The following EEPD1 variants were observed in gnomAD, a reference collection of about 807,000 sequenced individuals.
EEPD1 encodes the protein endonuclease/exonuclease/phosphatase family domain containing 1.
EEPD1 carries 17 observed loss-of-function variants against 46.3 expected under a neutral mutation model. The ratio of observed to expected loss-of-function variants is 0.37; its 90% confidence interval spans 0.25 to 0.55. The LOEUF (loss-of-function observed/expected upper bound fraction) is 0.55. Among genes scored for constraint, EEPD1 ranks in the 20% least tolerant of loss-of-function variants. EEPD1 has a pLI of 0.83. For synonymous variants in EEPD1, 313 were observed against 315.6 expected (o/e 0.99, Z 0.09); for missense variants, 673 against 745.6 (o/e 0.90, Z 1.13).
chr7:36,214,601 C>G (rs767929013), intron 2 of EEPD1, among the ~76,000 whole-genome samples: 1 of 152,190 alleles, frequency 6.6e-6, no homozygotes, highest in Non-Finnish European at 1.5e-5. Context: ...AATTCTCAGG[C>G]CCTACCTCAG....
chr7:36,176,231 G>A (rs1231373926), intron 2 of EEPD1, among the ~76,000 whole-genome samples: 1 of 152,218 alleles, frequency 6.6e-6, no homozygotes, highest in Non-Finnish European at 1.5e-5. Flanking sequence ...TCCTGAAGAG[G>A]ATAAAGCCAG....
chr7:36,212,546 G>A (rs1785952588), intron 2 of EEPD1, among the ~76,000 whole-genome samples: 1 of 147,692 alleles, frequency 6.8e-6, no homozygotes, highest in African/African-American at 2.5e-5. Flanking sequence ...GTTATTTAAT[G>A]TAGTGGTTCT....
chr7:36,226,033 T>A lies in EEPD1; in HGVS notation c.879-12952T>A, dbSNP rs149684644. 5.5e-3 allele frequency among the ~76,000 whole-genome samples: 844 copies of A among 152,292 alleles called. 5 individuals carry two copies. The highest frequency in any genetic ancestry group is 6.4e-3 in the Non-Finnish European group (434 of 68,026). On this transcript the variant is annotated intron_variant, in intron 2 of 7. Transcript: ENST00000242108. ...AAAACTAGAGAGCAGTTTAAATTATTGTTATAAGTCTGATTAGCAAACAAA... is the reference window on the plus strand; with the variant it reads ...AAAACTAGAGAGCAGTTTAAATTATAGTTATAAGTCTGATTAGCAAACAAA...
At chr7:36,296,748 CA>C (rs1415383443) in intron 6 of EEPD1, among the ~76,000 whole-genome samples, 1 of 115,908 alleles carries the variant, frequency 8.6e-6, no homozygotes, top group East Asian at 3.0e-4. Flanking sequence ...TAGGCTTCAA[CA>C]AGGGTGATTT....
chr7:36,205,340 TC>T (rs1409316963), intron 2 of EEPD1, among the ~76,000 whole-genome samples: 1 of 152,234 alleles, frequency 6.6e-6, no homozygotes, highest in Non-Finnish European at 1.5e-5. Flanking sequence ...ATAAATAGAA[TC>T]ATTTAATAGA....
At chr7:36,292,686 T>G (rs1787467487) in intron 6 of EEPD1, among the ~76,000 whole-genome samples, 1 of 152,074 alleles carries the variant, frequency 6.6e-6, no homozygotes, top group South Asian at 2.1e-4. Context: ...TTTTGCATCT[T>G]TAGTAGAGAT....
At chr7:36,195,333 C>A (rs895788102) in intron 2 of EEPD1, among the ~76,000 whole-genome samples, 7 of 152,220 alleles carry the variant, frequency 4.6e-5, no homozygotes, top group African/African-American at 1.7e-4. Context: ...GGATGGATGG[C>A]TGGCTCCCTG....
chr7:36,283,859 C>T (rs997767518), intron 4 of EEPD1, among the ~76,000 whole-genome samples: 5 of 152,186 alleles, frequency 3.3e-5, no homozygotes, highest in East Asian at 1.9e-4. Context: ...TGGTGATGAG[C>T]ACTGCTGGCC....
chr7:36,243,321 T>G (rs1481477305), intron 3 of EEPD1, among the ~76,000 whole-genome samples: 1 of 145,626 alleles, frequency 6.9e-6, no homozygotes, highest in African/African-American at 2.5e-5. Flanking sequence ...TTTTTTTTTT[T>G]GGCACCAAAA....
chr7:36,188,048 G>A (rs943970549), intron 2 of EEPD1, among the ~76,000 whole-genome samples: 2 of 152,048 alleles, frequency 1.3e-5, no homozygotes, highest in Non-Finnish European at 2.9e-5. Flanking sequence ...CGCCTGCCTC[G>A]GCCTCCCAAA....
chr7:36,237,210 C>A (rs1340017315), intron 2 of EEPD1, among the ~76,000 whole-genome samples: 1 of 152,232 alleles, frequency 6.6e-6, no homozygotes, highest in Non-Finnish European at 1.5e-5. Context: ...CCGAACACGT[C>A]CAAACATCCG....
Position 36,277,985 on chromosome 7 carries a change from A to G in EEPD1, c.931-3130A>G, listed in dbSNP as rs563074023. ...TTTAAATATTAATAGAAAGCAAAGAAAAATGAGAATGTCTTTTCTTCATCC... is the reference window on the plus strand; with the variant it reads ...TTTAAATATTAATAGAAAGCAAAGAGAAATGAGAATGTCTTTTCTTCATCC... On this transcript the variant is annotated intron_variant, in intron 3 of 7. Transcript: ENST00000242108. Among the ~76,000 whole-genome samples, 4 of 152,344 alleles carry G rather than the reference A, an allele frequency of 2.6e-5. No individual in the cohort carries two copies. In the South Asian group the frequency reaches 6.2e-4, roughly 24 times the overall value.
At chr7:36,231,812 C>T (rs1274296753) in intron 2 of EEPD1, among the ~76,000 whole-genome samples, 1 of 152,158 alleles carries the variant, frequency 6.6e-6, no homozygotes, top group Non-Finnish European at 1.5e-5. Flanking sequence ...GGATTTAGTA[C>T]GTGGGCTTAT....
chr7:36,242,768 C>CAAAAAAA (rs34909516), intron 3 of EEPD1, among the ~76,000 whole-genome samples: 3 of 85,402 alleles, frequency 3.5e-5, no homozygotes, highest in South Asian at 4.0e-4. Flanking sequence ...AATAAAAATA[C>CAAAAAAA]AAAAAAAAAA....
At chr7:36,240,546 C>T (rs142301982) in intron 3 of EEPD1, among the ~76,000 whole-genome samples, 90 of 152,314 alleles carry the variant, frequency 5.9e-4, no homozygotes, top group Admixed American at 1.6e-3. Context: ...TTCTTAATTA[C>T]TTATATTAAT....
intron 2 of EEPD1, among the ~76,000 whole-genome samples, chr7:36,170,464 A>G (rs911195983): frequency 1.3e-5 from 2 of 148,328 alleles, no homozygotes; most frequent in Non-Finnish European, 3.0e-5. Context: ...TGTTCTTTTA[A>G]CTCCTGCTGT....
intron 2 of EEPD1, among the ~76,000 whole-genome samples, chr7:36,173,454 G>A (rs1785125657): frequency 6.6e-6 from 1 of 150,554 alleles, no homozygotes; most frequent in Admixed American, 6.6e-5. Flanking sequence ...AGCTGAGATT[G>A]CACCACTGTA....
At chr7:36,194,713 C>T (rs1286427820) in intron 2 of EEPD1, among the ~76,000 whole-genome samples, 2 of 152,282 alleles carry the variant, frequency 1.3e-5, no homozygotes, top group Admixed American at 1.3e-4. Context: ...AGGAATTGAT[C>T]ATGGAGCTCT....
intron 3 of EEPD1, 33 bp from the exon 4 acceptor site, chr7:36,281,082 C>T: frequency 1.9e-6 from 3 of 1,602,578 alleles, no homozygotes; most frequent in Non-Finnish European, 1.7e-6. Flanking sequence ...TAGGCGCGAA[C>T]CCACGCTTCT....
Sources: allele counts gnomAD v4.1 joint callset (sites outside exome capture counted in the v4.1 genomes callset), GRCh38; gene constraint gnomAD v4.1.1; transcripts MANE v1.5; gene names NCBI Gene and HGNC (gene_info 2026-07-23, HGNC 2026-07-21).